The following NRXN1 variants were observed in gnomAD, a reference collection of about 807,000 sequenced individuals.
The protein encoded by NRXN1 is neurexin-1.
A neutral mutation model predicts 150.9 loss-of-function variants in NRXN1; 39 were observed. The observed-to-expected ratio is 0.26, with a 90% CI of 0.20 to 0.34. The LOEUF (loss-of-function observed/expected upper bound fraction) is 0.34. Among genes scored for constraint, NRXN1 ranks in the 10% least tolerant of loss-of-function variants. The pLI, the probability that NRXN1 is intolerant of heterozygous loss-of-function variation, is 1.00. For synonymous variants in NRXN1, 924 were observed against 757.0 expected (o/e 1.22, Z -3.62); for missense variants, 1,815 against 1,949.9 (o/e 0.93, Z 1.30).
chr2:50,882,295 T>C (rs1013175896), intron 5 of NRXN1, among the ~76,000 whole-genome samples: 4 of 151,914 alleles, frequency 2.6e-5, no homozygotes, highest in African/African-American at 9.7e-5. Context: ...CATCGTTACA[T>C]TTGTTTTTCC....
rs190672531 is a variant in NRXN1 at position 50,823,867 on chromosome 2, C to A, written c.832+98002G>T. Among the ~76,000 whole-genome samples, 473 of 152,178 alleles carry A rather than the reference C, an allele frequency of 3.1e-3. 5 individuals are homozygous for A. Among genetic ancestry groups the A allele is most frequent in the Middle Eastern group, 6.8e-3 (2 of 294 alleles). ...TACTATGTTGGAGGTAAATTTAATTCTTGTATATTTCAAATATATGTCAAA... is the reference window on the plus strand; with the variant it reads ...TACTATGTTGGAGGTAAATTTAATTATTGTATATTTCAAATATATGTCAAA... On this transcript the variant is annotated intron_variant, in intron 5 of 22. Transcript: ENST00000401669.
chr2:50,172,873 A>G (rs1027744853), intron 18 of NRXN1, among the ~76,000 whole-genome samples: 4 of 152,198 alleles, frequency 2.6e-5, no homozygotes, highest in Admixed American at 2.6e-4. Context: ...AGGCTGAGAC[A>G]GGAGAATTGC....
intron 17 of NRXN1, among the ~76,000 whole-genome samples, chr2:50,385,483 G>A (rs1915172): frequency 0.13 from 19,037 of 152,122 alleles, 2,004 homozygotes; most frequent in East Asian, 0.36. Flanking sequence ...CTAATGAAAC[G>A]CATGTATTCA....
intron 18 of NRXN1, chr2:50,199,242 C>A (rs977275362): frequency 1.3e-5 from 2 of 151,992 alleles, no homozygotes; most frequent in African/African-American, 4.8e-5. Flanking sequence ...GTTCATATAT[C>A]CATCATTGGC....
intron 2 of NRXN1, among the ~76,000 whole-genome samples, chr2:50,990,034 A>G (rs1698312432): frequency 6.6e-6 from 1 of 152,044 alleles, no homozygotes; most frequent in South Asian, 2.1e-4. Context: ...GTGTTGTGGT[A>G]GCTCATTGTG....
intron 21 of NRXN1, among the ~76,000 whole-genome samples, chr2:50,001,105 T>G (rs997206165): frequency 1.3e-5 from 2 of 152,194 alleles, no homozygotes; most frequent in African/African-American, 4.8e-5. Flanking sequence ...TTGTAGTCAG[T>G]GGCTTTAGCA....
intron 17 of NRXN1, among the ~76,000 whole-genome samples, chr2:50,315,248 C>G (rs1021413001): frequency 1.8e-4 from 28 of 152,060 alleles, no homozygotes; most frequent in African/African-American, 6.0e-4. Context: ...GGCAGCAGCT[C>G]CGTTTTTCTC....
At chr2:50,161,061 TTC>T (rs2059335535) in intron 18 of NRXN1, among the ~76,000 whole-genome samples, 2 of 151,990 alleles carry the variant, frequency 1.3e-5, no homozygotes, top group Admixed American at 1.3e-4. Flanking sequence ...TATTTGATAT[TTC>T]TGTTTTCAAT....
At chr2:50,144,358 AT>A (rs1316726649) in intron 18 of NRXN1, among the ~76,000 whole-genome samples, 1 of 151,612 alleles carries the variant, frequency 6.6e-6, no homozygotes, top group African/African-American at 2.4e-5. Context: ...CCTTTATTTC[AT>A]CCAGGTTGAT....
intron 21 of NRXN1, among the ~76,000 whole-genome samples, chr2:50,025,342 T>G (rs1257780172): frequency 6.6e-6 from 1 of 151,882 alleles, no homozygotes; most frequent in Non-Finnish European, 1.5e-5. Flanking sequence ...CAAATATGAG[T>G]AGGTAGAGAA....
At chr2:50,572,352 A>T (rs1670786491) in intron 8 of NRXN1, among the ~76,000 whole-genome samples, 1 of 152,202 alleles carries the variant, frequency 6.6e-6, no homozygotes, top group African/African-American at 2.4e-5. Flanking sequence ...ATAAAAAGAT[A>T]TATTAATAAT....
chr2:50,821,246 C>A (rs926462902), intron 5 of NRXN1, among the ~76,000 whole-genome samples: 3 of 152,204 alleles, frequency 2.0e-5, no homozygotes, highest in African/African-American at 4.8e-5. Context: ...TGCAGCCCAA[C>A]ACAAATTCTT....
chr2:50,394,223 T>C (rs531701294), intron 17 of NRXN1, among the ~76,000 whole-genome samples: 1 of 152,214 alleles, frequency 6.6e-6, no homozygotes, highest in East Asian at 1.9e-4. Flanking sequence ...TATGTGATGA[T>C]GCTTATGCTT....
chr2:50,203,862 T>C (rs1366233269), intron 18 of NRXN1, among the ~76,000 whole-genome samples: 1 of 152,168 alleles, frequency 6.6e-6, no homozygotes, highest in East Asian at 1.9e-4. Flanking sequence ...AATTAGGCTT[T>C]CTTAATCTTA....
At chr2:50,440,224 G>C (rs1223037177) in intron 17 of NRXN1, among the ~76,000 whole-genome samples, 1 of 152,042 alleles carries the variant, frequency 6.6e-6, no homozygotes, top group Non-Finnish European at 1.5e-5. Context: ...ATTAGAAAGG[G>C]GGAAGGAAAA....
intron 5 of NRXN1, among the ~76,000 whole-genome samples, chr2:50,807,244 T>C (rs1403183325): frequency 1.3e-5 from 2 of 152,122 alleles, no homozygotes; most frequent in African/African-American, 4.8e-5. Context: ...GAAGAAAGTT[T>C]AACTATAACC....
intron 17 of NRXN1, among the ~76,000 whole-genome samples, chr2:50,436,220 G>A (rs1026140273): frequency 6.6e-6 from 1 of 152,114 alleles, no homozygotes; most frequent in African/African-American, 2.4e-5. Context: ...TTGAGAGGCC[G>A]AGGCAGGCAG....
chr2:50,216,850 G>A (rs997609679), intron 18 of NRXN1, among the ~76,000 whole-genome samples: 1 of 152,034 alleles, frequency 6.6e-6, no homozygotes, highest in Non-Finnish European at 1.5e-5. Context: ...TCAAAGCAGA[G>A]AATTCAGGTC....
chr2:50,434,088 G>T (rs1027707425), intron 17 of NRXN1, among the ~76,000 whole-genome samples: 1 of 104,258 alleles, frequency 9.6e-6, no homozygotes, highest in Admixed American at 1.6e-4. Context: ...ACGGAGTCTT[G>T]CTCTGTTGCC....
Sources: gnomAD v4.1 joint callset for allele counts (sites outside exome capture counted in the v4.1 genomes callset) on GRCh38, gnomAD v4.1.1 for gene constraint, MANE v1.5 for transcripts, NCBI Gene and HGNC (gene_info 2026-07-23, HGNC 2026-07-21) for gene names.